CYP1A2: variants seen among roughly 807,000 people sequenced by gnomAD.
CYP1A2 encodes the protein cytochrome P450 family 1 subfamily A member 2.
In CYP1A2, 35 loss-of-function variants were observed where a neutral mutation model predicts 34.7. The ratio of observed to expected loss-of-function variants is 1.01; its 90% CI spans 0.77 to 1.34. The LOEUF is 1.34. CYP1A2 is among the 40% of genes most tolerant of loss of function. The pLI is 0.00. For synonymous variants in CYP1A2, 288 were observed against 281.9 expected, an observed-to-expected ratio of 1.02 and a Z score of -0.22; for missense variants, 675 against 675.8, an observed-to-expected ratio of 1.00 and a Z score of 0.01.
intron 5 of CYP1A2, 98 bp downstream of exon 5, chr15:74,752,345 C>A: frequency 6.6e-7 from 1 of 1,522,012 alleles, no homozygotes; most frequent in Non-Finnish European, 8.9e-7. Context: ...ATCTCCTTCC[C>A]GACCTCGTTC....
chr15:74,749,951 C>T lies in CYP1A2; in HGVS notation c.213C>T (p.Arg71=). The T allele has an allele frequency of 1.2e-6, 2 of 1,613,872 alleles. No individual in the cohort carries two copies. The highest frequency in any genetic ancestry group is 8.5e-7 in the Non-Finnish European group (1 of 1,179,838). ...TGGCACTGTCAAGGATGAGCCAGCG[C>T]TACGGGGACGTCCTGCAGATCCGCA... ...PHLALSRMSQ[R]YGDVLQIRIG... Residue 71 remains arginine, a synonymous_variant, in exon 2 of 7, where the codon CGC becomes CGT. Coordinates refer to ENST00000343932, the MANE Select transcript of CYP1A2 (RefSeq NM_000761.5).
rs201934979 is a variant in CYP1A2 at position 74,749,838 on chromosome 15, C to T, written c.100C>T (p.Arg34Trp). 1.1e-4 allele frequency: 170 copies of T among 1,605,512 alleles called. No individual in the cohort carries two copies. In the Middle Eastern group the frequency reaches 1.7e-3, roughly 16 times the overall value. The change falls in exon 2 of 7, where the codon CGG becomes TGG. Residue 34 changes from arginine to tryptophan, a missense_variant. Coordinates refer to ENST00000343932, the MANE Select transcript of CYP1A2 (RefSeq NM_000761.5). ...CTGGGTGCTCAAGGGTTTGAGGCCT[C>T]GGGTCCCCAAAGGCCTGAAAAGTCC... Reference protein sequence around the residue: ...VFWVLKGLRPRVPKGLKSPPE... With the variant: ...VFWVLKGLRPWVPKGLKSPPE...
In CYP1A2 at chr15:74,750,428, C is replaced by A; in HGVS notation, c.690C>A (p.Ala230=). 1 of 1,614,192 alleles carries A rather than the reference C, an allele frequency of 6.2e-7. No homozygotes were observed. Among genetic ancestry groups the A allele is most frequent in the Non-Finnish European group, 8.5e-7 (1 of 1,180,030 alleles). ...VKNTHEFVET[A]SSGNPLDFFP... is the part of the protein sequence containing the mutation. The stretch of plus-strand genomic sequence containing the variant: ...ACACTCATGAGTTCGTGGAGACTGC[C>A]TCCTCCGGGAACCCCCTGGACTTCT... The change falls in exon 2 of 7, where the codon GCC becomes GCA. Residue 230 remains alanine, a synonymous_variant. Coordinates refer to ENST00000343932, the MANE Select transcript of CYP1A2 (RefSeq NM_000761.5).
rs1273847804 is a variant in CYP1A2 at position 74,755,432 on chromosome 15, C to T, written c.*344C>T. On this transcript the variant is annotated 3_prime_UTR_variant, in exon 7 of 7. Transcript: ENST00000343932. ...GCTTTATGGAGATATAATTCTTATG[C>T]CATATAATTCACCTTCTTTTTTTTT... 1 of 158,450 alleles carries T rather than the reference C, an allele frequency of 6.3e-6. No individual in the cohort carries two copies. The highest frequency in any genetic ancestry group is 2.5e-5 in the African/African-American group (1 of 39,882). The allele number at this position is 158,450 out of a possible 1,614,324, so 9.8% of individuals were successfully genotyped here.
Position 74,756,019 on chromosome 15 carries a change from G to A in CYP1A2, c.*931G>A, listed in dbSNP as rs2063336565. 1 of 151,344 alleles carries A rather than the reference G, an allele frequency of 6.6e-6. No individual in the cohort carries two copies. Among genetic ancestry groups the A allele is most frequent in the Non-Finnish European group, 1.5e-5 (1 of 68,044 alleles). 9.4% of individuals were successfully genotyped at this position (151,344 alleles called of 1,614,324 possible). A position where few individuals can be genotyped will look rare whatever the true frequency, so the allele number is the denominator to read the frequency against. On this transcript the variant is annotated 3_prime_UTR_variant, in exon 7 of 7. Transcript: ENST00000343932. ...TTTAGTAGAGACGAGGTTTCACTGT[G>A]TTGGCCAGGATGGTCTCCATCTCTT...
chr15:74,752,317 C>T lies in CYP1A2; in HGVS notation c.1166+70C>T, dbSNP rs1328403005. On this transcript the variant is annotated intron_variant, in intron 5 of 6. Coordinates refer to ENST00000343932, the MANE Select transcript of CYP1A2 (RefSeq NM_000761.5). ...ATGTTTTCTCTTCCTGGCTTCTCAG[C>T]CCTGGCCCTGGCTCAGCATCTCCTT... The T allele has an allele frequency of 1.0e-5, 16 of 1,585,332 alleles. No individual in the cohort carries two copies. In the East Asian group the frequency reaches 1.3e-4, roughly 13 times the overall value.
rs751760377 is a variant in CYP1A2, at chr15:74,749,760, C to T, written c.22C>T (p.Pro8Ser). MALSQSV[P>S]FSATELLLAS... ...ACAGATGGCATTGTCCCAGTCTGTT[C>T]CCTTCTCGGCCACAGAGCTTCTCCT... Residue 8 changes from proline to serine, a missense_variant, in exon 2 of 7, where the codon CCC (proline) becomes TCC (serine). Physicochemically the swap from Pro to Ser is moderately conservative, Grantham distance 74. Coordinates refer to ENST00000343932, the MANE Select transcript of CYP1A2 (RefSeq NM_000761.5). The T allele has an allele frequency of 1.9e-6, 3 of 1,542,850 alleles. No homozygotes were observed. Among genetic ancestry groups the T allele is most frequent in the Non-Finnish European group, 2.6e-6 (3 of 1,142,168 alleles).
At chr15:74,751,697 T>C in intron 3 of CYP1A2, 68 bp from the exon 4 acceptor site, 1 of 1,469,080 alleles carries the variant, frequency 6.8e-7, no homozygotes, top group African/African-American at 1.4e-5. Flanking sequence ...ACATAGCAGA[T>C]ACTTGGGAAA....
chr15:74,750,095 T>C lies in CYP1A2; in HGVS notation c.357T>C (p.Asp119=), dbSNP rs1194231082. Reference sequence around the variant, plus strand: ...TCTACACCTCCACCCTCATCACTGATGGCCAGAGCTTGACCTTCAGCACAG... The same window carrying C: ...TCTACACCTCCACCCTCATCACTGACGGCCAGAGCTTGACCTTCAGCACAG... The part of the protein sequence containing the change: ...PDLYTSTLIT[D]GQSLTFSTDS... The change falls in exon 2 of 7, where the codon GAT becomes GAC. Residue 119 remains aspartate, a synonymous_variant. Coordinates refer to ENST00000343932, the MANE Select transcript of CYP1A2 (RefSeq NM_000761.5). 2 of 1,613,922 alleles carry C rather than the reference T, an allele frequency of 1.2e-6. No homozygotes were observed. The highest frequency in any genetic ancestry group is 1.7e-5 in the Admixed American group (1 of 60,008).
Position 74,755,124 on chromosome 15 carries a change from G to C in CYP1A2, c.*36G>C. ...ACCATTCTGAGGCCAGGGAGCGAGTGGGGGCCAGCCACGGGGACTCAGCCC... is the reference window on the plus strand; with the variant it reads ...ACCATTCTGAGGCCAGGGAGCGAGTCGGGGCCAGCCACGGGGACTCAGCCC... On this transcript the variant is annotated 3_prime_UTR_variant, in exon 7 of 7. Transcript: ENST00000343932. The C allele has an allele frequency of 1.3e-6, 2 of 1,582,700 alleles. No individual in the cohort carries two copies. The highest frequency in any genetic ancestry group is 1.7e-6 in the Non-Finnish European group (2 of 1,163,374).
In CYP1A2 at chr15:74,755,639, G is replaced by A. The variant is rs1204503923; in HGVS notation, c.*551G>A. 6.6e-6 allele frequency: 1 copy of A among 151,892 alleles called. No individual in the cohort carries two copies. Among genetic ancestry groups the A allele is most frequent in the Non-Finnish European group, 1.5e-5 (1 of 68,156 alleles). 9.4% of individuals were successfully genotyped at this position (151,892 alleles called of 1,614,324 possible). ...ATTTTTGTAGTTTTAGTGGAGATGG[G>A]GTTTCACCATGTTGGCCAGGCTTGT... On this transcript the variant is annotated 3_prime_UTR_variant, in exon 7 of 7. Transcript: ENST00000343932.
Position 74,753,188 on chromosome 15 carries a change from A to T in CYP1A2, c.1171A>T (p.Thr391Ser). Residue 391 changes from threonine to serine, a missense_variant, in exon 6 of 7, where the codon ACA (threonine) becomes TCA (serine). Thr to Ser is a moderately conservative substitution (Grantham distance 58). Coordinates refer to ENST00000343932, the MANE Select transcript of CYP1A2 (RefSeq NM_000761.5). ...AGTGCCCTCTTCCCTCCTCAGCACA[A>T]CAAGGGACACAACGCTGAATGGCTT... ...FLPFTIPHSTTRDTTLNGFYI... is the reference protein window; with the variant it reads ...FLPFTIPHSTSRDTTLNGFYI... 6.2e-7 allele frequency: 1 copy of T among 1,613,432 alleles called. No homozygotes were observed. Among genetic ancestry groups the T allele is most frequent in the Non-Finnish European group, 8.5e-7 (1 of 1,179,580 alleles).
chr15:74,753,757 C>A (rs2063326565), intron 6 of CYP1A2, among the ~76,000 whole-genome samples: 1 of 149,494 alleles, frequency 6.7e-6, no homozygotes, highest in African/African-American at 2.5e-5. Context: ...AAAAATCAAC[C>A]AAGACGTTTG....
chr15:74,750,624 C>T (rs1005063025), intron 2 of CYP1A2, 55 bp downstream of exon 2: 6 of 1,453,278 alleles, frequency 4.1e-6, no homozygotes, highest in South Asian at 3.6e-5. Context: ...GGTGCAGCCC[C>T]TCCCTCCCAG....
At chr15:74,753,885 G>A (rs1596358978) in intron 6 of CYP1A2, among the ~76,000 whole-genome samples, 1 of 152,128 alleles carries the variant, frequency 6.6e-6, no homozygotes, top group African/African-American at 2.4e-5. Flanking sequence ...TAGTGTATAG[G>A]TAGGGGGACC....
intron 5 of CYP1A2, 118 bp downstream of exon 5, chr15:74,752,365 C>A: frequency 7.0e-7 from 1 of 1,433,172 alleles, no homozygotes; most frequent in South Asian, 1.3e-5. Context: ...CCCCACAGAT[C>A]CCGGCCTCAG....
chr15:74,751,880 G>A (rs1331362503), intron 4 of CYP1A2, 26 bp downstream of exon 4: 2 of 1,607,412 alleles, frequency 1.2e-6, no homozygotes, highest in Non-Finnish European at 1.7e-6. Context: ...CAACCCTATA[G>A]CCAGGAGAAG....
chr15:74,752,712 C>T (rs895388622), intron 5 of CYP1A2, among the ~76,000 whole-genome samples: 1 of 152,148 alleles, frequency 6.6e-6, no homozygotes, highest in Admixed American at 6.6e-5. Context: ...GGACTTACAG[C>T]CATCAGCCCT....
At chr15:74,751,971 G>T in intron 4 of CYP1A2, 117 bp downstream of exon 4, 2 of 1,497,028 alleles carry the variant, frequency 1.3e-6, no homozygotes, top group South Asian at 2.5e-5. Flanking sequence ...ACACAGTAGT[G>T]CCTGCCCTTG....
Sources: allele counts gnomAD v4.1 joint callset (sites outside exome capture counted in the v4.1 genomes callset), GRCh38; gene constraint gnomAD v4.1.1; transcripts MANE v1.5; gene names NCBI Gene and HGNC (gene_info 2026-07-23, HGNC 2026-07-21).